The following TPI1 variants were observed in gnomAD, a reference collection of about 807,000 sequenced individuals.
TPI1 encodes triosephosphate isomerase.
A neutral mutation model predicts 31.0 loss-of-function variants in TPI1; 11 were observed. The ratio of observed to expected loss-of-function variants is 0.36; its 90% CI spans 0.22 to 0.59. The LOEUF is 0.59. Among genes scored for constraint, TPI1 ranks in the 20% least tolerant of loss-of-function variants. TPI1 has a pLI of 0.79. For missense variants in TPI1, 245 were observed against 319.7 expected, an observed-to-expected ratio of 0.77 and a Z score of 1.78; for synonymous variants, 121 against 122.8, an observed-to-expected ratio of 0.99 and a Z score of 0.10.
At chr12:6,869,890 CAG>C in intron 5 of TPI1, 117 bp downstream of exon 5, 2 of 1,422,698 alleles carry the variant, frequency 1.4e-6, no homozygotes. Context: ...AACCCAGAGA[CAG>C]TGACTTGTCC....
chr12:6,869,589 C>CA, intron 4 of TPI1, 99 bp from the exon 5 acceptor site: 1 of 1,490,818 alleles, frequency 6.7e-7, no homozygotes, highest in Non-Finnish European at 9.4e-7. Context: ...CCAATGTCCA[C>CA]TAGGGGGCAG....
chr12:6,870,644 T>G lies in TPI1; in HGVS notation c.*261T>G. On this transcript the variant is annotated 3_prime_UTR_variant, in exon 7 of 7. Coordinates refer to ENST00000396705, the MANE Select transcript of TPI1 (RefSeq NM_000365.6). ...CTCCTTGGCTGAGAGATGGAAGGCG[T>G]GGTGGGATTTGCTCCTGGGTTCCCT... The G allele has an allele frequency of 1.5e-6, 1 of 646,382 alleles. No individual in the cohort carries two copies. Among genetic ancestry groups the G allele is most frequent in the Non-Finnish European group, 2.9e-6 (1 of 342,862 alleles). 40.0% of individuals were successfully genotyped at this position (646,382 alleles called of 1,614,324 possible).
At chr12:6,868,779 G>A in intron 1 of TPI1, 85 bp from the exon 2 acceptor site, 2 of 1,541,422 alleles carry the variant, frequency 1.3e-6, no homozygotes, top group Non-Finnish European at 1.7e-6. Flanking sequence ...GTGAGGGCTG[G>A]GGGGCTCCAG....
chr12:6,867,695 G>A lies in TPI1; in HGVS notation c.115+14G>A. 6.3e-7 allele frequency: 1 copy of A among 1,597,682 alleles called. No individual in the cohort carries two copies. Among genetic ancestry groups the A allele is most frequent in the Non-Finnish European group, 8.5e-7 (1 of 1,169,742 alleles). ...CGGCCGACACCGGTAAGCCCTCGCCGAGGAGGGGTCTGGCCGGGCCGGGGC... is the reference window on the plus strand; with the variant it reads ...CGGCCGACACCGGTAAGCCCTCGCCAAGGAGGGGTCTGGCCGGGCCGGGGC... On this transcript the variant is annotated intron_variant, in intron 1 of 6. Coordinates refer to ENST00000396705, the MANE Select transcript of TPI1 (RefSeq NM_000365.6).
chr12:6,867,710 C>CGGGCCGGGGCCG lies in TPI1; in HGVS notation c.115+40_115+51dup, dbSNP rs138787695. 7 of 1,575,796 alleles carry CGGGCCGGGGCCG rather than the reference C, an allele frequency of 4.4e-6. No homozygotes were observed. The African/African-American group carries it at 5.5e-5, about 12-fold the overall frequency. The stretch of plus-strand genomic sequence containing the variant: ...AGCCCTCGCCGAGGAGGGGTCTGGC[C>CGGGCCGGGGCCG]GGGCCGGGGCCGGGGCCGGGGCAGG... On this transcript the variant is annotated intron_variant, in intron 1 of 6. Transcript: ENST00000396705.
upstream of TPI1, chr12:6,867,486 C>T (rs781949460): frequency 1.4e-3 from 2,153 of 1,544,326 alleles, 4 homozygotes; most frequent in Middle Eastern, 4.8e-3. Context: ...GGCGGAGTTC[C>T]ACTTCGCGGC....
chr12:6,867,771 G>A lies in TPI1; in HGVS notation c.115+90G>A. 13 of 1,343,482 alleles carry A rather than the reference G, an allele frequency of 9.7e-6. 1 individual carries two copies. The South Asian group carries it at 1.8e-4, about 19-fold the overall frequency. The allele number at this position is 1,343,482 out of a possible 1,614,324, so 83.2% of individuals were successfully genotyped here. A position where few individuals can be genotyped will look rare whatever the true frequency, so the allele number is the denominator to read the frequency against. On this transcript the variant is annotated intron_variant, in intron 1 of 6. Coordinates refer to ENST00000396705, the MANE Select transcript of TPI1 (RefSeq NM_000365.6). ...CCCTCTCCCGAGGCCCCGAGGCCCC[G>A]AGGCCGGTATCCGCGCGGACCTGAT...
At chr12:6,867,832 C>G in intron 1 of TPI1, 151 bp downstream of exon 1, 1 of 890,504 alleles carries the variant, frequency 1.1e-6, no homozygotes. Context: ...GGGGTCCGGG[C>G]AGGGGCCTCG....
At chr12:6,870,177 G>A in intron 6 of TPI1, 41 bp downstream of exon 6, 2 of 1,605,530 alleles carry the variant, frequency 1.2e-6, no homozygotes, top group South Asian at 2.2e-5. Context: ...AGTGGGCTGA[G>A]GACTAGACTG....
Position 6,870,511 on chromosome 12 carries a change from CTG to C in TPI1, c.*130_*131del. 1.2e-6 allele frequency: 1 copy of C among 807,656 alleles called. No individual in the cohort carries two copies. The highest frequency in any genetic ancestry group is 2.2e-6 in the Non-Finnish European group (1 of 444,646). The allele number at this position is 807,656 out of a possible 1,614,324, so 50.0% of individuals were successfully genotyped here. A position where few individuals can be genotyped will look rare whatever the true frequency, so the allele number is the denominator to read the frequency against. On this transcript the variant is annotated 3_prime_UTR_variant, in exon 7 of 7. Transcript: ENST00000396705. ...GCTCCTTCCTGTGGCCTCATCCAAA[CTG>C]TATCTTCCTTTACTGTTTATATCTT... is the stretch of plus-strand genomic sequence containing the variant.
intron 4 of TPI1, 105 bp downstream of exon 4, chr12:6,869,495 AG>A: frequency 6.4e-7 from 1 of 1,571,694 alleles, no homozygotes; most frequent in African/African-American, 1.3e-5. Context: ...GATCCAGAAA[AG>A]GAAAAAGGGG....
Position 6,868,206 on chromosome 12 carries a change from C to T in TPI1, c.115+525C>T, listed in dbSNP as rs888363943. ...CTTCGGCAACCTGAACGACTCCCGC[C>T]TTCCACGGAAGGGACCGAGCCCGTG... On this transcript the variant is annotated intron_variant, in intron 1 of 6. Coordinates refer to ENST00000396705, the MANE Select transcript of TPI1 (RefSeq NM_000365.6). 3.0e-5 allele frequency: 39 copies of T among 1,288,040 alleles called. No individual in the cohort carries two copies. In the African/African-American group the frequency reaches 3.6e-4, roughly 12 times the overall value. 79.8% of individuals were successfully genotyped at this position (1,288,040 alleles called of 1,614,324 possible).
At chr12:6,869,583 T>C in intron 4 of TPI1, 105 bp from the exon 5 acceptor site, 1 of 1,475,348 alleles carries the variant, frequency 6.8e-7, no homozygotes, top group African/African-American at 1.4e-5. Context: ...AATCCCCCAA[T>C]GTCCACTAGG....
chr12:6,867,560 C>G lies in TPI1; in HGVS notation c.-7C>G. 6.2e-7 allele frequency: 1 copy of G among 1,612,036 alleles called. No individual in the cohort carries two copies. The highest frequency in any genetic ancestry group is 8.5e-7 in the Non-Finnish European group (1 of 1,179,474). ...ACACTGACCTTCAGCGCCTCGGCTC[C>G]AGCGCCATGGCGCCCTCCAGGAAGT... On this transcript the variant is annotated 5_prime_UTR_variant, in exon 1 of 7. Transcript: ENST00000396705.
chr12:6,867,551 C>A lies in TPI1; in HGVS notation c.-16C>A. 6.2e-7 allele frequency: 1 copy of A among 1,610,898 alleles called. No individual in the cohort carries two copies. The highest frequency in any genetic ancestry group is 8.5e-7 in the Non-Finnish European group (1 of 1,179,014). On this transcript the variant is annotated 5_prime_UTR_variant, in exon 1 of 7. Transcript: ENST00000396705. ...TGCGCGCAGACACTGACCTTCAGCG[C>A]CTCGGCTCCAGCGCCATGGCGCCCT... is the stretch of plus-strand genomic sequence containing the variant.
intron 1 of TPI1, chr12:6,868,385 T>C (rs1555131901): frequency 7.8e-7 from 1 of 1,288,066 alleles, no homozygotes; most frequent in African/African-American, 1.5e-5. Flanking sequence ...TCCACCGAAA[T>C]CGGAGAGCCG....
At chr12:6,868,288 G>C (rs1796127066) in intron 1 of TPI1, 1 of 1,287,464 alleles carries the variant, frequency 7.8e-7, no homozygotes, top group Non-Finnish European at 1.0e-6. Context: ...TCCCCAACCT[G>C]GAAACAGCAA....
At position 6,869,693 on chromosome 12, in the gene TPI1, G is replaced by A. The variant is rs188138723; in HGVS notation, c.463G>A (p.Val155Met). ...TCTGTATCTCTGCCCTGCAGATAAC[G>A]TGAAGGACTGGAGCAAGGTCGTCCT... is the stretch of plus-strand genomic sequence containing the variant. Reference protein sequence around the residue: ...FEQTKVIADNVKDWSKVVLAY... With the variant: ...FEQTKVIADNMKDWSKVVLAY... The change falls in exon 5 of 7, where the codon GTG becomes ATG. Residue 155 changes from valine to methionine, a missense_variant. By Grantham distance (21) the Val-to-Met change is conservative. Transcript: ENST00000396705. 5.5e-4 allele frequency: 884 copies of A among 1,614,186 alleles called. 6 individuals are homozygous for A. Among genetic ancestry groups the A allele is most frequent in the East Asian group, 2.9e-4 (13 of 44,880 alleles).
In TPI1 at chr12:6,870,074, G is replaced by A. The variant is rs1565538350; in HGVS notation, c.569G>A (p.Arg190Gln). The A allele has an allele frequency of 7.4e-6, 12 of 1,614,218 alleles. No individual in the cohort carries two copies. Among genetic ancestry groups the A allele is most frequent in the African/African-American group, 1.3e-5 (1 of 75,048 alleles). ...QQAQEVHEKL[R>Q]GWLKSNVSDA... ...GCCCAGGAAGTACACGAGAAGCTCC[G>A]AGGATGGCTGAAGTCCAACGTCTCT... The change falls in exon 6 of 7, where the codon CGA becomes CAA. Residue 190 changes from arginine to glutamine, a missense_variant. This residue lies in a region of TPI1 where 127 missense variants were observed against 163.7 expected (regional missense o/e 0.78). Transcript: ENST00000396705.
Sources: allele counts gnomAD v4.1 joint callset, GRCh38; gene constraint gnomAD v4.1.1; regional missense constraint gnomAD v4.1.1; transcripts MANE v1.5; gene names NCBI Gene and HGNC (gene_info 2026-07-23, HGNC 2026-07-21).